Variants in PGPEP1 observed in about 807,000 individuals in gnomAD.
PGPEP1 encodes pyroglutamyl-peptidase 1.
In PGPEP1, 15 loss-of-function variants were observed where a neutral mutation model predicts 24.1. That is an observed-to-expected ratio of 0.62 (90% CI 0.42 to 0.96). The LOEUF (loss-of-function observed/expected upper bound fraction) is 0.96, where lower values mean the gene tolerates loss of function less well. PGPEP1 is among the 40% of genes least tolerant of loss of function. The pLI, the probability that PGPEP1 is intolerant of heterozygous loss-of-function variation, is 0.00. For synonymous variants in PGPEP1, 122 were observed against 116.4 expected (o/e 1.05, Z -0.31); for missense variants, 242 against 273.4 (o/e 0.89, Z 0.81).
chr19:18,357,345 G>T, intron 3 of PGPEP1, 38 bp from the exon 4 acceptor site: 1 of 1,536,384 alleles, frequency 6.5e-7, no homozygotes, highest in South Asian at 1.1e-5. Flanking sequence ...GAGTCCCACG[G>T]GCAGGCCATG....
At position 18,365,686 on chromosome 19, in the gene PGPEP1, G is replaced by A. The variant is rs921059259; in HGVS notation, c.*2103G>A. On this transcript the variant is annotated 3_prime_UTR_variant, in exon 5 of 5. Transcript: ENST00000269919. ...AGCTGAGAGTTTTGTTTTCTTCAGC[G>A]TTCACCTTCCTTGTCTCCAGTTCCG... 4 of 152,158 alleles carry A rather than the reference G, an allele frequency of 2.6e-5. No individual in the cohort carries two copies. The highest frequency in any genetic ancestry group is 5.9e-5 in the Non-Finnish European group (4 of 68,060). The allele number at this position is 152,158 out of a possible 1,614,324, so 9.4% of individuals were successfully genotyped here.
intron 1 of PGPEP1, among the ~76,000 whole-genome samples, chr19:18,341,751 C>T (rs1970676090): frequency 6.6e-6 from 1 of 152,132 alleles, no homozygotes; most frequent in African/African-American, 2.4e-5. Flanking sequence ...CAGAGGTCAT[C>T]CAGTTTGTAA....
In PGPEP1 at chr19:18,362,726, C is replaced by CAAA. The variant is rs71166506; in HGVS notation, c.438-648_438-646dup. On this transcript the variant is annotated intron_variant, in intron 4 of 4. Transcript: ENST00000269919. Reference sequence around the variant, plus strand: ...CTGAGCAACAGAGCAGACTCTGTCTCAAAAAAAAAAAAAAAAAAAGCCAGT... The same window carrying CAAA: ...CTGAGCAACAGAGCAGACTCTGTCTCAAAAAAAAAAAAAAAAAAAAAAGCCAGT... Among the ~76,000 whole-genome samples the CAAA allele has an allele frequency of 1.0e-3, 86 of 85,792 alleles. 1 individual carries two copies. The highest frequency in any genetic ancestry group is 6.4e-3 in the South Asian group (14 of 2,194). The allele number at this position is 85,792 out of a possible 152,430, so 56.3% of individuals were successfully genotyped here. A position where few individuals can be genotyped will look rare whatever the true frequency, so the allele number is the denominator to read the frequency against.
rs201718274 is a variant in PGPEP1, at chr19:18,359,200, C to T, written c.437+1585C>T. ...TCAAGGCTGCAGTGAGCTGTGATAG[C>T]GCCACTGCACTTCAGTCTGGGCAAC... On this transcript the variant is annotated intron_variant, in intron 4 of 4. Transcript: ENST00000269919. Among the ~76,000 whole-genome samples the T allele has an allele frequency of 5.9e-5, 9 of 152,090 alleles. No homozygotes were observed. In the East Asian group the frequency reaches 1.4e-3, roughly 23 times the overall value.
Position 18,365,425 on chromosome 19 carries a change from C to T in PGPEP1, c.*1842C>T, listed in dbSNP as rs1971511969. The stretch of plus-strand genomic sequence containing the variant: ...TAGTGTGATCATGGATCACTGCAGC[C>T]TCTACCTCCTGGGCTCAAGTGATCC... On this transcript the variant is annotated 3_prime_UTR_variant, in exon 5 of 5. Coordinates refer to ENST00000269919, the MANE Select transcript of PGPEP1 (RefSeq NM_017712.4). 6.6e-6 allele frequency: 1 copy of T among 152,294 alleles called. No homozygotes were observed. Among genetic ancestry groups the T allele is most frequent in the African/African-American group, 2.4e-5 (1 of 41,426 alleles). 9.4% of individuals were successfully genotyped at this position (152,294 alleles called of 1,614,324 possible).
chr19:18,350,208 A>G (rs1391839916), intron 2 of PGPEP1, among the ~76,000 whole-genome samples: 1 of 152,010 alleles, frequency 6.6e-6, no homozygotes, highest in Non-Finnish European at 1.5e-5. Flanking sequence ...TATTTTTAGT[A>G]GAGACGGGGT....
At position 18,340,669 on chromosome 19, in the gene PGPEP1, G is replaced by A. The variant is rs974332725; in HGVS notation, c.-13G>A. ...GCAACAGAAGCAGGTCCGAGGCACA[G>A]CCCGATCCCGCCATGGAGCAGCCGA... On this transcript the variant is annotated 5_prime_UTR_variant, in exon 1 of 5. Coordinates refer to ENST00000269919, the MANE Select transcript of PGPEP1 (RefSeq NM_017712.4). 1.9e-6 allele frequency: 3 copies of A among 1,540,122 alleles called. No individual in the cohort carries two copies. The highest frequency in any genetic ancestry group is 3.9e-5 in the Admixed American group (2 of 51,412).
chr19:18,346,341 T>C (rs1970843400), intron 2 of PGPEP1, among the ~76,000 whole-genome samples: 2 of 152,122 alleles, frequency 1.3e-5, no homozygotes, highest in Non-Finnish European at 2.9e-5. Flanking sequence ...GTGTTGTTGG[T>C]GTAATGCAGG....
At chr19:18,356,713 CT>C (rs1239449360) in intron 3 of PGPEP1, among the ~76,000 whole-genome samples, 13 of 152,086 alleles carry the variant, frequency 8.5e-5, no homozygotes, top group African/African-American at 3.1e-4. Context: ...TGCCACTGCA[CT>C]CCAGCCTGGG....
At chr19:18,361,273 G>A (rs1294275333) in intron 4 of PGPEP1, among the ~76,000 whole-genome samples, 3 of 152,032 alleles carry the variant, frequency 2.0e-5, no homozygotes, top group Non-Finnish European at 2.9e-5. Flanking sequence ...AAGTAGCTGG[G>A]ACTACAGGTG....
chr19:18,340,956 C>T (rs1600186538), intron 1 of PGPEP1, among the ~76,000 whole-genome samples: 2 of 152,104 alleles, frequency 1.3e-5, no homozygotes, highest in African/African-American at 4.8e-5. Flanking sequence ...GGGCAAAAGC[C>T]CGGCGCTGCG....
Position 18,363,548 on chromosome 19 carries a change from T to G in PGPEP1, c.595T>G (p.Ser199Ala). ...IEEMLDLLEQ[S>A]EGKINYCHKH is the part of the protein sequence containing the mutation. ...GGAGATGTTGGACCTCCTGGAGCAG[T>G]CAGAGGGCAAAATCAACTATTGCCA... is the stretch of plus-strand genomic sequence containing the variant. Residue 199 changes from serine (S) to alanine (A), a missense_variant, in exon 5 of 5, where the codon TCA (serine) becomes GCA (alanine). Coordinates refer to ENST00000269919, the MANE Select transcript of PGPEP1 (RefSeq NM_017712.4). The G allele has an allele frequency of 6.2e-7, 1 of 1,613,856 alleles. No homozygotes were observed. The highest frequency in any genetic ancestry group is 8.5e-7 in the Non-Finnish European group (1 of 1,179,914).
chr19:18,355,976 C>A lies in PGPEP1; in HGVS notation c.169C>A (p.Leu57Ile). 1 of 1,613,050 alleles carries A rather than the reference C, an allele frequency of 6.2e-7. No homozygotes were observed. The highest frequency in any genetic ancestry group is 8.5e-7 in the Non-Finnish European group (1 of 1,179,050). Residue 57 changes from leucine to isoleucine, a missense_variant, in exon 3 of 5, where the codon CTC (leucine) becomes ATC (isoleucine). Coordinates refer to ENST00000269919, the MANE Select transcript of PGPEP1 (RefSeq NM_017712.4). Reference protein sequence around the residue: ...IPVEYQTVQRLIPALWEKHSP... With the variant: ...IPVEYQTVQRIIPALWEKHSP... ...GGTTGAGTACCAAACAGTCCAGAGA[C>A]TCATCCCCGCCCTGTGGGAGAAGCA... is the stretch of plus-strand genomic sequence containing the variant.
At chr19:18,344,749 G>A (rs1278102213) in intron 2 of PGPEP1, among the ~76,000 whole-genome samples, 4 of 152,152 alleles carry the variant, frequency 2.6e-5, no homozygotes, top group African/African-American at 7.2e-5. Flanking sequence ...TGTGTGTCAG[G>A]CTTTGTGCAC....
chr19:18,350,034 G>A (rs1300292010), intron 2 of PGPEP1, among the ~76,000 whole-genome samples: 2 of 151,778 alleles, frequency 1.3e-5, no homozygotes, highest in East Asian at 3.9e-4. Flanking sequence ...TTTTTTGTTT[G>A]TTGGTTTGTT....
intron 2 of PGPEP1, among the ~76,000 whole-genome samples, chr19:18,343,977 C>A (rs576504723): frequency 1.3e-5 from 2 of 152,104 alleles, no homozygotes; most frequent in Non-Finnish European, 2.9e-5. Flanking sequence ...AGCCACTACC[C>A]CCGGCCAGGA....
In PGPEP1 at chr19:18,357,363, C is replaced by A. The variant is rs565853075; in HGVS notation, c.205-20C>A. On this transcript the variant is annotated intron_variant, in intron 3 of 4. Transcript: ENST00000269919. ...TCCCACGGGCAGGCCATGTTAAGTCCTGCCCCTGTCTGTGTGCAGCTGGTG... is the reference window on the plus strand; with the variant it reads ...TCCCACGGGCAGGCCATGTTAAGTCATGCCCCTGTCTGTGTGCAGCTGGTG... 95 of 1,601,852 alleles carry A rather than the reference C, an allele frequency of 5.9e-5. 2 individuals carry two copies. The South Asian group carries it at 1.0e-3, about 17-fold the overall frequency.
intron 1 of PGPEP1, among the ~76,000 whole-genome samples, chr19:18,342,551 G>A (rs1307358306): frequency 6.6e-6 from 1 of 152,222 alleles, no homozygotes; most frequent in Non-Finnish European, 1.5e-5. Context: ...GGGGACCAGA[G>A]GAAGTGAAGA....
intron 2 of PGPEP1, among the ~76,000 whole-genome samples, chr19:18,345,987 CA>C (rs35141582): frequency 1.2e-3 from 165 of 135,372 alleles, no homozygotes; most frequent in Middle Eastern, 3.8e-3. Flanking sequence ...GACTCTGTCT[CA>C]AAAAAAAAAA....
Sources: gnomAD v4.1 joint callset for allele counts (sites outside exome capture counted in the v4.1 genomes callset) on GRCh38, gnomAD v4.1.1 for gene constraint, MANE v1.5 for transcripts, NCBI Gene and HGNC (gene_info 2026-07-23, HGNC 2026-07-21) for gene names.